Variants in CDH8 observed in about 807,000 individuals in gnomAD.
CDH8 encodes the protein cadherin 8.
In CDH8, 17 loss-of-function variants were observed where a neutral mutation model predicts 68.1. That is an observed-to-expected ratio of 0.25 (90% CI 0.17 to 0.37). The LOEUF (loss-of-function observed/expected upper bound fraction) is 0.37, where lower values mean the gene tolerates loss of function less well. Ranked by LOEUF, CDH8 falls within the 10% of genes least tolerant of loss-of-function variation. The probability of loss-of-function intolerance (pLI) is 1.00; values close to 1 mark genes in which losing one functional copy is unlikely to be tolerated. For missense variants in CDH8, 763 were observed against 999.3 expected (o/e 0.76, Z 3.19); for synonymous variants, 372 against 365.1 (o/e 1.02, Z -0.21).
chr16:61,717,034 G>T (rs1022562358), intron 9 of CDH8, among the ~76,000 whole-genome samples: 1 of 151,650 alleles, frequency 6.6e-6, no homozygotes, highest in African/African-American at 2.4e-5. Context: ...AGGGTCCACT[G>T]TGAGCTACGA....
chr16:61,792,585 T>C (rs1311036597), intron 7 of CDH8, among the ~76,000 whole-genome samples: 2 of 152,012 alleles, frequency 1.3e-5, no homozygotes, highest in African/African-American at 2.4e-5. Flanking sequence ...GTTTCTTATA[T>C]AATGAATAAC....
chr16:61,983,221 G>A (rs988361934), intron 2 of CDH8, among the ~76,000 whole-genome samples: 2 of 152,028 alleles, frequency 1.3e-5, no homozygotes, highest in African/African-American at 4.8e-5. Flanking sequence ...GTGTACTTTT[G>A]TGACTTGCTT....
chr16:62,032,917 G>C (rs1051974953), intron 1 of CDH8, among the ~76,000 whole-genome samples: 2 of 152,142 alleles, frequency 1.3e-5, no homozygotes, highest in African/African-American at 4.8e-5. Flanking sequence ...AACAGCTGTT[G>C]AAGTGTGGGT....
chr16:61,878,971 G>A (rs1963514740), intron 3 of CDH8, among the ~76,000 whole-genome samples: 1 of 152,082 alleles, frequency 6.6e-6, no homozygotes, highest in African/African-American at 2.4e-5. Flanking sequence ...GCTATTTTAA[G>A]CTATTACTTG....
At chr16:61,766,112 A>T (rs1960583006) in intron 8 of CDH8, among the ~76,000 whole-genome samples, 1 of 151,888 alleles carries the variant, frequency 6.6e-6, no homozygotes, top group Non-Finnish European at 1.5e-5. Context: ...ATTGTACCCA[A>T]TAGGTAGTGT....
intron 2 of CDH8, among the ~76,000 whole-genome samples, chr16:62,013,050 C>G (rs1268098670): frequency 3.3e-5 from 1 of 30,118 alleles, no homozygotes; most frequent in Non-Finnish European, 7.8e-5. Context: ...GTCAGGAGAT[C>G]GAGACCATCC....
Position 61,655,695 on chromosome 16 carries a change from G to A in CDH8, c.1681C>T (p.His561Tyr). 1 of 1,613,822 alleles carries A rather than the reference G, an allele frequency of 6.2e-7. No individual in the cohort carries two copies. Among genetic ancestry groups the A allele is most frequent in the Middle Eastern group, 1.6e-4 (1 of 6,062 alleles). ...EDNSLSILAK[H>Y]NGFNRQKQEV... ...TGCTTCTGGCGGTTGAATCCATTATGCTTTGCCAAAATACTGAGGGAATTA... is the reference window on the plus strand; with the variant it reads ...TGCTTCTGGCGGTTGAATCCATTATACTTTGCCAAAATACTGAGGGAATTA... The change falls in exon 11 of 12, where the codon CAT (histidine) becomes TAT (tyrosine). Residue 561 changes from histidine to tyrosine, a missense_variant. Coordinates refer to ENST00000577390, the MANE Select transcript of CDH8 (RefSeq NM_001796.5).
chr16:61,896,658 G>A (rs981264873), intron 3 of CDH8, among the ~76,000 whole-genome samples: 7 of 152,128 alleles, frequency 4.6e-5, no homozygotes, highest in East Asian at 3.9e-4. Context: ...TAATGCAGCC[G>A]CCTCTGCTTC....
At position 62,036,421 on chromosome 16, in the gene CDH8, C is replaced by G. The variant is rs991548430; in HGVS notation, c.-541G>C. The G allele has an allele frequency of 4.2e-4, 64 of 152,638 alleles. No individual in the cohort carries two copies. The highest frequency in any genetic ancestry group is 1.5e-3 in the African/African-American group (61 of 41,608). 9.5% of individuals were successfully genotyped at this position (152,638 alleles called of 1,614,324 possible). ...GCGCTCCGGCGTGCGAGCCCGCCTG[C>G]CTGCCAAATGTAACTGTGAAGTGAT... On this transcript the variant is annotated 5_prime_UTR_variant, in exon 1 of 12. Transcript: ENST00000577390.
chr16:61,892,694 G>A (rs1232662555), intron 3 of CDH8, among the ~76,000 whole-genome samples: 1 of 152,080 alleles, frequency 6.6e-6, no homozygotes, highest in Non-Finnish European at 1.5e-5. Flanking sequence ...TCTGCTATAA[G>A]GTGTGGCTGG....
intron 2 of CDH8, among the ~76,000 whole-genome samples, chr16:61,908,391 T>C (rs1288474062): frequency 6.6e-6 from 1 of 152,160 alleles, no homozygotes; most frequent in East Asian, 1.9e-4. Context: ...GACAAGTGTT[T>C]AGGCTACTAG....
At chr16:61,990,795 G>C (rs1202225072) in intron 2 of CDH8, among the ~76,000 whole-genome samples, 1 of 151,386 alleles carries the variant, frequency 6.6e-6, no homozygotes, top group African/African-American at 2.4e-5. Context: ...CTGTACTCCA[G>C]CCTGGGTAAC....
intron 10 of CDH8, among the ~76,000 whole-genome samples, chr16:61,657,697 AG>A (rs1361373289): frequency 7.2e-5 from 11 of 152,264 alleles, no homozygotes; most frequent in African/African-American, 2.6e-4. Flanking sequence ...TCAAAACAAA[AG>A]ATAGAATTTG....
At chr16:61,709,885 G>C (rs889959745) in intron 10 of CDH8, among the ~76,000 whole-genome samples, 2 of 152,086 alleles carry the variant, frequency 1.3e-5, no homozygotes, top group Non-Finnish European at 2.9e-5. Context: ...ATACATTGCA[G>C]TTACTGTATA....
intron 1 of CDH8, among the ~76,000 whole-genome samples, chr16:62,030,646 C>G (rs931808261): frequency 6.6e-6 from 1 of 151,854 alleles, no homozygotes; most frequent in Admixed American, 6.6e-5. Flanking sequence ...ATTAATCTAT[C>G]TAGAGAGAAA....
chr16:61,700,593 T>C (rs1489361612), intron 10 of CDH8, among the ~76,000 whole-genome samples: 1 of 152,092 alleles, frequency 6.6e-6, no homozygotes, highest in Admixed American at 6.6e-5. Context: ...TTTAGTTTTT[T>C]AAGGAACCTC....
chr16:61,750,863 T>A (rs1198189875), intron 8 of CDH8, among the ~76,000 whole-genome samples: 1 of 152,120 alleles, frequency 6.6e-6, no homozygotes. Flanking sequence ...ATAAAAAGAT[T>A]CCATAGCTTT....
At chr16:61,748,739 C>T (rs1347717676) in intron 8 of CDH8, among the ~76,000 whole-genome samples, 6 of 151,914 alleles carry the variant, frequency 3.9e-5, no homozygotes, top group Admixed American at 6.6e-5. Context: ...TCCCAATGAC[C>T]AATCCTGTCC....
chr16:61,659,852 G>C (rs1033761815), intron 10 of CDH8, among the ~76,000 whole-genome samples: 4 of 152,242 alleles, frequency 2.6e-5, no homozygotes, highest in African/African-American at 9.6e-5. Flanking sequence ...CTGAAACTCT[G>C]ACCTAGGAAA....
Sources: allele counts gnomAD v4.1 joint callset (sites outside exome capture counted in the v4.1 genomes callset), GRCh38; gene constraint gnomAD v4.1.1; transcripts MANE v1.5; gene names NCBI Gene and HGNC (gene_info 2026-07-23, HGNC 2026-07-21).